L1CAM: variants seen among roughly 807,000 people sequenced by gnomAD.
L1CAM encodes L1 cell adhesion molecule.
L1CAM carries 8 observed loss-of-function variants against 93.0 expected under a neutral mutation model. The observed-to-expected ratio is 0.09, with a 90% CI of 0.05 to 0.16. L1CAM has a LOEUF of 0.16. L1CAM is among the 10% of genes least tolerant of loss of function. L1CAM has a pLI of 1.00. For missense variants in L1CAM, 777 were observed against 1,073.4 expected (o/e 0.72, Z 3.86); for synonymous variants, 453 against 453.0 (o/e 1.00, Z 0.00).
At position 153,868,391 on chromosome X, in the gene L1CAM, C is replaced by T; in HGVS notation, c.1614G>A (p.Thr538=). Residue 538 remains threonine, a synonymous_variant, in exon 14 of 29, where the codon ACG becomes ACA. Coordinates refer to ENST00000370060, the MANE Select transcript of L1CAM (RefSeq NM_001278116.2). The part of the protein sequence containing the change: ...IEKKGSRVTF[T]CQASFDPSLQ... The stretch of plus-strand genomic sequence containing the variant: ...AGGAGGGGTCAAAGGAGGCCTGGCA[C>T]GTGAAGGTCACCCTGGAACCTTTCT... 1.7e-6 allele frequency: 2 copies of T among 1,211,662 alleles called. No homozygotes were observed. Among genetic ancestry groups the T allele is most frequent in the Non-Finnish European group, 2.2e-6 (2 of 895,388 alleles).
chrX:153,865,381 G>A lies in L1CAM; in HGVS notation c.2667C>T (p.Ser889=). 8.3e-7 allele frequency: 1 copy of A among 1,211,497 alleles called. No individual in the cohort carries two copies. Among genetic ancestry groups the A allele is most frequent in the Non-Finnish European group, 1.1e-6 (1 of 895,413 alleles). The stretch of plus-strand genomic sequence containing the variant: ...AGGCCTGCACCTCCAGGTGGTAGGA[G>A]CTATAGGGCCGCAAGCCACTGAGGA... The part of the protein sequence containing the change: ...SVILSGLRPY[S]SYHLEVQAFN... The change falls in exon 21 of 29, where the codon AGC becomes AGT. Residue 889 remains serine (S), a synonymous_variant. Coordinates refer to ENST00000370060, the MANE Select transcript of L1CAM (RefSeq NM_001278116.2).
intron 1 of L1CAM, chrX:153,884,325 C>A: frequency 2.3e-6 from 2 of 855,834 alleles, no homozygotes; most frequent in South Asian, 4.6e-5. Flanking sequence ...CACCTTGAAG[C>A]GCTGATTGTC....
chrX:153,868,538 C>T (rs782663231), intron 13 of L1CAM, 23 bp downstream of exon 13: 1 of 1,212,317 alleles, frequency 8.2e-7, no homozygotes, highest in South Asian at 1.8e-5. Flanking sequence ...GCACTGCCAG[C>T]CATGTGGCAA....
At position 153,868,328 on chromosome X, in the gene L1CAM, G is replaced by A. The variant is rs1557091765; in HGVS notation, c.1677C>T (p.Asp559=). 2.5e-6 allele frequency: 3 copies of A among 1,212,000 alleles called. No individual in the cohort carries two copies. The highest frequency in any genetic ancestry group is 3.3e-6 in the Non-Finnish European group (3 of 895,563). The part of the protein sequence containing the change: ...PSITWRGDGR[D]LQELGDSDKY... The stretch of plus-strand genomic sequence containing the variant: ...TGTCACTGTCCCCAAGCTCCTGGAG[G>A]TCTCGACCGTCCCCACGCCAGGTGA... Residue 559 remains aspartate, a synonymous_variant, in exon 14 of 29, where the codon GAC becomes GAT. Transcript: ENST00000370060.
Position 153,875,911 on chromosome X carries a change from G to T in L1CAM, c.-75C>A. 1.1e-6 allele frequency: 1 copy of T among 921,459 alleles called. No homozygotes were observed. Among genetic ancestry groups the T allele is most frequent in the Non-Finnish European group, 1.5e-6 (1 of 649,971 alleles). 75.9% of individuals were successfully genotyped at this position (921,459 alleles called of 1,213,427 possible). On this transcript the variant is annotated 5_prime_UTR_variant, in exon 2 of 29. Coordinates refer to ENST00000370060, the MANE Select transcript of L1CAM (RefSeq NM_001278116.2). ...CCGGCCGGAGGGGAAGGGGGCTGGT[G>T]GGCGGCTTGGGGCGGGAGTTGGGAG...
At chrX:153,884,368 G>A (rs1557096510) in intron 1 of L1CAM, 1 of 629,317 alleles carries the variant, frequency 1.6e-6, no homozygotes, top group Non-Finnish European at 2.1e-6. Flanking sequence ...TGGCAGCTGG[G>A]AACTTGGGGA....
At chrX:153,876,296 G>A (rs1206387146) in intron 1 of L1CAM, 8 of 279,327 alleles carry the variant, frequency 2.9e-5, no homozygotes, top group South Asian at 5.6e-5. Flanking sequence ...GCAGGTGTCC[G>A]TGGGCATGTG....
intron 5 of L1CAM, among the ~76,000 whole-genome samples, chrX:153,871,473 G>C (rs1394877073): frequency 1.8e-5 from 2 of 110,225 alleles, no homozygotes; most frequent in Non-Finnish European, 1.9e-5. Context: ...GGACGGGTGG[G>C]GGGAGGCTGA....
intron 1 of L1CAM, 128 bp from the exon 2 acceptor site, chrX:153,876,072 G>T (rs1181174287): frequency 1.6e-5 from 7 of 437,882 alleles, no homozygotes; most frequent in African/African-American, 1.6e-4. Context: ...CCAGCTGGCC[G>T]GCTTCTCCAG....
chrX:153,863,511 G>A lies in L1CAM; in HGVS notation c.3496C>T (p.Arg1166Ter), dbSNP rs1418885000. The change falls in exon 27 of 29, where the codon CGA becomes TGA. Residue 1166 changes from arginine (R) to a stop codon, truncating the protein, a stop_gained. Transcript: ENST00000370060. LOFTEE classifies it high-confidence loss of function. ...CCGAAGGTCTCATCTTTCATCGGTC[G>A]GGCCTCAGAGTCCACCTGGGTGTCC... ...KEDTQVDSEA[R>*]PMKDETFGEY... is the part of the protein sequence containing the mutation. 8.3e-7 allele frequency: 1 copy of A among 1,209,547 alleles called. No individual in the cohort carries two copies. The highest frequency in any genetic ancestry group is 1.1e-6 in the Non-Finnish European group (1 of 894,802).
intron 17 of L1CAM, 74 bp from the exon 18 acceptor site, chrX:153,867,198 C>A: frequency 1.9e-6 from 2 of 1,028,609 alleles, no homozygotes; most frequent in East Asian, 3.0e-5. Context: ...GGCCAAGGAA[C>A]AAATGGCTCA....
rs2064752316 is a variant in L1CAM at position 153,869,943 on chromosome X, A to G, written c.992-9T>C. On this transcript the variant is annotated splice_polypyrimidine_tract_variant and intron_variant, in intron 9 of 28. Transcript: ENST00000370060. ...CAGCCAGTACGGGGCAGCTGGGAGG[A>G]AGGGGAGAGCCGCCCTGAGCCCGCA... 2.5e-6 allele frequency: 3 copies of G among 1,207,529 alleles called. No homozygotes were observed. Among genetic ancestry groups the G allele is most frequent in the African/African-American group, 3.5e-5 (2 of 57,143 alleles).
At chrX:153,871,031 C>A (rs200481097) in intron 6 of L1CAM, 26 bp downstream of exon 6, 4 of 1,208,941 alleles carry the variant, frequency 3.3e-6, no homozygotes, top group African/African-American at 1.8e-5. Context: ...CCCGACCCCA[C>A]GAGGCAGCCG....
rs1042512 is a variant in L1CAM, at chrX:153,870,192, G to A, written c.855C>T (p.Ala285=). 6,993 of 1,210,597 alleles carry A rather than the reference G, an allele frequency of 5.8e-3. 265 individuals carry two copies. In the African/African-American group the frequency reaches 0.11, roughly 19 times the overall value. ...KWLRPSGPMP[A]DRVTYQNHNK... Reference sequence around the variant, plus strand: ...TGTGGTTCTGGTAGGTGACACGGTCGGCTGGCATGGGGCCACTGGGGCGCA... The same window carrying A: ...TGTGGTTCTGGTAGGTGACACGGTCAGCTGGCATGGGGCCACTGGGGCGCA... Residue 285 remains alanine (A), a synonymous_variant, in exon 9 of 29, where the codon GCC becomes GCT. Transcript: ENST00000370060.
At position 153,863,804 on chromosome X, in the gene L1CAM, C is replaced by G. The variant is rs1000422182; in HGVS notation, c.3457+79G>C. On this transcript the variant is annotated intron_variant, in intron 26 of 28. Coordinates refer to ENST00000370060, the MANE Select transcript of L1CAM (RefSeq NM_001278116.2). ...TGGGGAGCTCGGGGAATCCAGGAGG[C>G]CTTGCAGAAGGGTGGAAGGGGCGAG... 7.7e-6 allele frequency: 9 copies of G among 1,164,647 alleles called. No homozygotes were observed. The African/African-American group carries it at 1.4e-4, about 18-fold the overall frequency.
chrX:153,875,718 A>G (rs1557094368), intron 2 of L1CAM, 43 bp downstream of exon 2: 2 of 1,112,398 alleles, frequency 1.8e-6, no homozygotes, highest in Non-Finnish European at 2.5e-6. Flanking sequence ...GGGGCCCAAC[A>G]TAGCGGCGAA....
chrX:153,880,108 C>T (rs2064836681), intron 1 of L1CAM, among the ~76,000 whole-genome samples: 2 of 112,022 alleles, frequency 1.8e-5, no homozygotes, highest in African/African-American at 3.2e-5. Context: ...CCACTACACC[C>T]GCAGGTCCCT....
intron 26 of L1CAM, 51 bp from the exon 27 acceptor site, chrX:153,863,600 G>A: frequency 9.1e-7 from 1 of 1,094,188 alleles, no homozygotes; most frequent in Non-Finnish European, 1.3e-6. Flanking sequence ...CCTGACCCGG[G>A]GCTCCAGGCC....
chrX:153,871,252 C>A, intron 5 of L1CAM, 73 bp from the exon 6 acceptor site: 6 of 497,814 alleles, frequency 1.2e-5, no homozygotes, highest in Admixed American at 3.1e-5. Context: ...GAGGTGGGGG[C>A]AGGGGGGTGG....
Sources: gnomAD v4.1 joint callset for allele counts (sites outside exome capture counted in the v4.1 genomes callset) on GRCh38, gnomAD v4.1.1 for gene constraint, MANE v1.5 for transcripts, NCBI Gene and HGNC (gene_info 2026-07-23, HGNC 2026-07-21) for gene names.